Variants in TEX15 observed in about 807,000 individuals in gnomAD.
TEX15 encodes the protein testis expressed 15, meiosis and synapsis associated, also known as testis-expressed protein 15.
In TEX15, 171 loss-of-function variants were observed where a neutral mutation model predicts 237.3. The observed-to-expected ratio is 0.72, with a 90% CI of 0.64 to 0.82. The LOEUF is 0.82. TEX15 is among the 40% of genes least tolerant of loss of function. TEX15 has a pLI of 0.00. For missense variants in TEX15, 3,750 were observed against 3,646.5 expected, an observed-to-expected ratio of 1.03 and a Z score of -0.73; for synonymous variants, 1,338 against 1,269.8, an observed-to-expected ratio of 1.05 and a Z score of -1.14.
chr8:30,850,488 C>G (rs1029188082), intron 7 of TEX15, among the ~76,000 whole-genome samples: 1 of 152,000 alleles, frequency 6.6e-6, no homozygotes, highest in Non-Finnish European at 1.5e-5. Flanking sequence ...CTGACAAGTA[C>G]CATAAGGTTC....
Position 30,846,130 on chromosome 8 carries a change from C to T in TEX15, c.4037G>A (p.Arg1346Gln), listed in dbSNP as rs776973308. 9.3e-6 allele frequency: 15 copies of T among 1,613,344 alleles called. No homozygotes were observed. Among genetic ancestry groups the T allele is most frequent in the East Asian group, 2.2e-5 (1 of 44,844 alleles). Reference protein sequence around the residue: ...SECFSSLSQGRIKTFSQSEKH... With the variant: ...SECFSSLSQGQIKTFSQSEKH... ...TTCTGACTGTGAAAATGTTTTAATT[C>T]GTCCTTGGGATAATGAAGAGAAACA... The change falls in exon 8 of 11, where the codon CGA (arginine) becomes CAA (glutamine). Residue 1346 changes from arginine to glutamine, a missense_variant. Transcript: ENST00000643185.
In TEX15 at chr8:30,875,028, C is replaced by A; in HGVS notation, c.211G>T (p.Asp71Tyr). ...AACGACTGCAGATCACAGTTTACAT[C>A]AAGCCTGCACTGGTTAAGAGTATCA... Reference protein sequence around the residue: ...IHDTLNQCRLDVNCDLQSLWQ... With the variant: ...IHDTLNQCRLYVNCDLQSLWQ... Residue 71 changes from aspartate to tyrosine, a missense_variant, in exon 4 of 11, where the codon GAT (aspartate) becomes TAT (tyrosine). Physicochemically the swap from Asp to Tyr is radical, Grantham distance 160 (BLOSUM62 -3). Coordinates refer to ENST00000643185, the MANE Select transcript of TEX15 (RefSeq NM_001350162.2). 7.3e-7 allele frequency: 1 copy of A among 1,375,926 alleles called. No homozygotes were observed. The highest frequency in any genetic ancestry group is 2.8e-5 in the Admixed American group (1 of 35,178). 85.2% of individuals were successfully genotyped at this position (1,375,926 alleles called of 1,614,324 possible).
Position 30,869,689 on chromosome 8 carries a change from T to G in TEX15, c.303-2187A>C, listed in dbSNP as rs529438333. Among the ~76,000 whole-genome samples, 14 of 152,128 alleles carry G rather than the reference T, an allele frequency of 9.2e-5. No individual in the cohort carries two copies. The East Asian group carries it at 2.5e-3, about 27-fold the overall frequency. On this transcript the variant is annotated intron_variant, in intron 4 of 10. Coordinates refer to ENST00000643185, the MANE Select transcript of TEX15 (RefSeq NM_001350162.2). ...ATAAAACTACTGCTTTAAAGCTAGCTTGGGGAGACAGATTTGAGCTTGACC... is the reference window on the plus strand; with the variant it reads ...ATAAAACTACTGCTTTAAAGCTAGCGTGGGGAGACAGATTTGAGCTTGACC...
At chr8:30,875,519 A>T (rs1808382003) in intron 3 of TEX15, among the ~76,000 whole-genome samples, 1 of 152,254 alleles carries the variant, frequency 6.6e-6, no homozygotes. Flanking sequence ...GCAAAAGTAC[A>T]AGAACATGTG....
chr8:30,895,116 A>G (rs1383888135), intron 2 of TEX15, among the ~76,000 whole-genome samples: 1 of 152,134 alleles, frequency 6.6e-6, no homozygotes, highest in Non-Finnish European at 1.5e-5. Flanking sequence ...CCTATAGGTT[A>G]GTTTGAACTG....
In TEX15 at chr8:30,845,792, T is replaced by G. The variant is rs770922228; in HGVS notation, c.4375A>C (p.Arg1459=). ...TTAGAAATATCAGCTTTTGGAGCTC[T>G]TTTCTTTCTCCGTTTGTCATATTTT... ...KRKYDKRRKK[R]APKADISKSL... The change falls in exon 8 of 11, where the codon AGA becomes CGA. Residue 1459 remains arginine, a synonymous_variant. Coordinates refer to ENST00000643185, the MANE Select transcript of TEX15 (RefSeq NM_001350162.2). 6.2e-7 allele frequency: 1 copy of G among 1,610,390 alleles called. No individual in the cohort carries two copies. Among genetic ancestry groups the G allele is most frequent in the Non-Finnish European group, 8.5e-7 (1 of 1,178,962 alleles).
intron 3 of TEX15, among the ~76,000 whole-genome samples, chr8:30,882,216 C>T (rs1808543206): frequency 6.6e-6 from 1 of 152,230 alleles, no homozygotes; most frequent in Non-Finnish European, 1.5e-5. Flanking sequence ...CCCCTACTTA[C>T]TTTCCAAGTG....
intron 3 of TEX15, among the ~76,000 whole-genome samples, chr8:30,883,584 G>A (rs1238851172): frequency 6.6e-6 from 1 of 151,880 alleles, no homozygotes; most frequent in Non-Finnish European, 1.5e-5. Flanking sequence ...CATCTCCCAC[G>A]TATAAGTGAG....
chr8:30,839,288 C>G (rs1007901718), intron 9 of TEX15, among the ~76,000 whole-genome samples: 1 of 152,130 alleles, frequency 6.6e-6, no homozygotes, highest in African/African-American at 2.4e-5. Flanking sequence ...TGAATTCAGC[C>G]TCACTGAAAC....
intron 10 of TEX15, among the ~76,000 whole-genome samples, chr8:30,836,297 T>C (rs902774336): frequency 1.6e-5 from 2 of 123,872 alleles, no homozygotes; most frequent in African/African-American, 6.1e-5. Context: ...CACCACAACC[T>C]CTGCCTCCTG....
chr8:30,840,003 T>C, intron 8 of TEX15, 39 bp from the exon 9 acceptor site: 1 of 1,206,776 alleles, frequency 8.3e-7, no homozygotes, highest in Non-Finnish European at 1.2e-6. Flanking sequence ...TCATTAGTGA[T>C]GACAAACTAT....
Position 30,843,147 on chromosome 8 carries a change from G to A in TEX15, c.7020C>T (p.Ser2340=). 6.2e-7 allele frequency: 1 copy of A among 1,612,948 alleles called. No homozygotes were observed. The highest frequency in any genetic ancestry group is 8.5e-7 in the Non-Finnish European group (1 of 1,179,502). The part of the protein sequence containing the change: ...IGLEEDTIIA[S]RKSDHPINEA... The stretch of plus-strand genomic sequence containing the variant: ...CGTTTATTGGATGATCTGACTTTCT[G>A]GAAGCAATTATAGTATCCTCCTCAA... Residue 2340 remains serine, a synonymous_variant, in exon 8 of 11, where the codon TCC becomes TCT. Coordinates refer to ENST00000643185, the MANE Select transcript of TEX15 (RefSeq NM_001350162.2).
rs1425879369 is a variant in TEX15 at position 30,845,153 on chromosome 8, T to G, written c.5014A>C (p.Ile1672Leu). 6.2e-7 allele frequency: 1 copy of G among 1,613,466 alleles called. No individual in the cohort carries two copies. The highest frequency in any genetic ancestry group is 8.5e-7 in the Non-Finnish European group (1 of 1,179,480). ...LNDLYQQGNL[I>L]LSDCKRNLEV... is the part of the protein sequence containing the mutation. Reference sequence around the variant, plus strand: ...AGGTTTCTTTTACAATCAGATAAAATAAGGTTACCTTGTTGGTAGAGATCA... The same window carrying G: ...AGGTTTCTTTTACAATCAGATAAAAGAAGGTTACCTTGTTGGTAGAGATCA... Residue 1672 changes from isoleucine to leucine, a missense_variant, in exon 8 of 11, where the codon ATT becomes CTT. Transcript: ENST00000643185.
chr8:30,865,182 T>C (rs1162212593), intron 5 of TEX15, among the ~76,000 whole-genome samples: 3 of 152,092 alleles, frequency 2.0e-5, no homozygotes. Flanking sequence ...TAGAGACTAG[T>C]ATGATAACTA....
At chr8:30,903,754 A>G (rs1809047110) in intron 1 of TEX15, among the ~76,000 whole-genome samples, 3 of 152,236 alleles carry the variant, frequency 2.0e-5, no homozygotes, top group South Asian at 2.1e-4. Flanking sequence ...GAATGGCAAA[A>G]AAGTCACCAC....
intron 8 of TEX15, among the ~76,000 whole-genome samples, chr8:30,840,556 G>A (rs977611820): frequency 6.6e-6 from 1 of 152,096 alleles, no homozygotes; most frequent in African/African-American, 2.4e-5. Context: ...GTCCTTTCTT[G>A]TAAACCAGTT....
At chr8:30,855,286 T>C (rs546956763) in intron 7 of TEX15, among the ~76,000 whole-genome samples, 93 of 152,292 alleles carry the variant, frequency 6.1e-4, no homozygotes, top group African/African-American at 2.0e-3. Context: ...TATATTTCTA[T>C]ACATTTGGAA....
chr8:30,859,282 T>C (rs1304940595), intron 6 of TEX15, among the ~76,000 whole-genome samples: 1 of 152,028 alleles, frequency 6.6e-6, no homozygotes, highest in East Asian at 1.9e-4. Flanking sequence ...AAATTAAAGG[T>C]CCACAGAATA....
intron 2 of TEX15, among the ~76,000 whole-genome samples, chr8:30,897,525 A>C (rs968817682): frequency 6.6e-6 from 1 of 152,278 alleles, no homozygotes; most frequent in Admixed American, 6.5e-5. Flanking sequence ...TCCAATTCCC[A>C]TCTGCTGAGA....
Sources: allele counts gnomAD v4.1 joint callset (sites outside exome capture counted in the v4.1 genomes callset), GRCh38; gene constraint gnomAD v4.1.1; transcripts MANE v1.5; gene names NCBI Gene and HGNC (gene_info 2026-07-23, HGNC 2026-07-21).